The following FAM9B variants were observed in gnomAD, a reference collection of about 807,000 sequenced individuals.
FAM9B encodes the protein protein FAM9B.
A neutral mutation model predicts 16.6 loss-of-function variants in FAM9B; 18 were observed. The ratio of observed to expected loss-of-function variants is 1.09; its 90% confidence interval spans 0.75 to 1.61. The LOEUF (loss-of-function observed/expected upper bound fraction) is 1.61. FAM9B is among the 40% of genes most tolerant of loss of function. The pLI, the probability that FAM9B is intolerant of heterozygous loss-of-function variation, is 0.00. For missense variants in FAM9B, 155 were observed against 136.0 expected (o/e 1.14, Z -0.70); for synonymous variants, 43 against 42.6 (o/e 1.01, Z -0.03).
At chrX:9,032,586 T>C in intron 2 of FAM9B, 125 bp from the exon 3 acceptor site, 1 of 952,133 alleles carries the variant, frequency 1.1e-6, no homozygotes, top group Non-Finnish European at 1.4e-6. Flanking sequence ...ATTAAAGCTT[T>C]AAAGCAGAGC....
At chrX:9,030,136 A>G in intron 5 of FAM9B, 125 bp downstream of exon 5, 2 of 1,139,006 alleles carry the variant, frequency 1.8e-6, no homozygotes, top group Non-Finnish European at 1.2e-6. Flanking sequence ...TTAGAGAACA[A>G]TCAAGTAAAA....
chrX:9,030,355 G>T lies in FAM9B; in HGVS notation c.187C>A (p.Leu63Ile), dbSNP rs749558057. 5.1e-6 allele frequency: 6 copies of T among 1,185,082 alleles called. No homozygotes were observed. The highest frequency in any genetic ancestry group is 6.8e-6 in the Non-Finnish European group (6 of 880,282). ...TKKPEDTAED[L>I]TAKRKRMKMD... ...TTCATCCTTTTTCTTTTTGCAGTAA[G>T]ATCCTCTTTAATGTCAGTTAGATAG... The change falls in exon 5 of 9, where the codon CTT becomes ATT. Residue 63 changes from leucine (L) to isoleucine (I), a missense_variant. By Grantham distance (5) the Leu-to-Ile change is conservative. Transcript: ENST00000327220.
At position 9,032,999 on chromosome X, in the gene FAM9B, C is replaced by G; in HGVS notation, c.-13G>C. The G allele has an allele frequency of 8.3e-7, 1 of 1,211,993 alleles. No homozygotes were observed. Among genetic ancestry groups the G allele is most frequent in the Non-Finnish European group, 1.1e-6 (1 of 895,555 alleles). On this transcript the variant is annotated 5_prime_UTR_variant, in exon 2 of 9. Transcript: ENST00000327220. Reference sequence around the variant, plus strand: ...CCCAGGCCGCCATAAATTGAGCCTCCAACTGGGCCTTGGCAGCCCTCCTGC... The same window carrying G: ...CCCAGGCCGCCATAAATTGAGCCTCGAACTGGGCCTTGGCAGCCCTCCTGC...
At chrX:9,030,031 T>G in intron 5 of FAM9B, 1 of 515,049 alleles carries the variant, frequency 1.9e-6, no homozygotes, top group Non-Finnish European at 3.0e-6. Context: ...GCTATTTTTA[T>G]CTGGAAGGCA....
At chrX:9,033,281 C>T (rs1921146603) in intron 1 of FAM9B, 1 of 1,080,672 alleles carries the variant, frequency 9.3e-7, no homozygotes, top group South Asian at 2.5e-5. Flanking sequence ...CTCACAGCTG[C>T]CCCTCACACC....
chrX:9,027,398 A>G (rs1277347525), intron 7 of FAM9B, among the ~76,000 whole-genome samples: 1 of 111,633 alleles, frequency 9.0e-6, no homozygotes, highest in Non-Finnish European at 1.9e-5. Flanking sequence ...GCCTTCCACC[A>G]TAGATTTGTC....
chrX:9,030,026 T>C (rs1921021981), intron 5 of FAM9B: 1 of 502,647 alleles, frequency 2.0e-6, no homozygotes, highest in African/African-American at 2.4e-5. Context: ...AGAAGGCTAT[T>C]TTTATCTGGA....
At chrX:9,030,448 G>C (rs1921036920) in intron 4 of FAM9B, 88 bp from the exon 5 acceptor site, 1 of 611,551 alleles carries the variant, frequency 1.6e-6, no homozygotes, top group Non-Finnish European at 2.4e-6. Flanking sequence ...ATCAATATGG[G>C]ACTTTATGGT....
rs1921000652 is a variant in FAM9B at position 9,029,205 on chromosome X, G to A, written c.393+102C>T. Reference sequence around the variant, plus strand: ...AGTCCACTAACGGGCCCCCCTCTCTGGGCTCATGCGCTCTTCCTTCTTTGC... The same window carrying A: ...AGTCCACTAACGGGCCCCCCTCTCTAGGCTCATGCGCTCTTCCTTCTTTGC... On this transcript the variant is annotated intron_variant, in intron 6 of 8. Transcript: ENST00000327220. 8 of 682,392 alleles carry A rather than the reference G, an allele frequency of 1.2e-5. No homozygotes were observed. The East Asian group carries it at 2.7e-4, about 23-fold the overall frequency. 56.2% of individuals were successfully genotyped at this position (682,392 alleles called of 1,213,427 possible). A position where few individuals can be genotyped will look rare whatever the true frequency, so the allele number is the denominator to read the frequency against.
rs957990648 is a variant in FAM9B at position 9,024,930 on chromosome X, C to T, written c.*479G>A. ...CTCCTGACCTCAAGTGATCCACTCC[C>T]CTCGGCCTCCCAAAGTGCTGGGATT... is the stretch of plus-strand genomic sequence containing the variant. On this transcript the variant is annotated 3_prime_UTR_variant, in exon 9 of 9. Transcript: ENST00000327220. 3 of 112,394 alleles carry T rather than the reference C, an allele frequency of 2.7e-5. No individual in the cohort carries two copies. Among genetic ancestry groups the T allele is most frequent in the Admixed American group, 9.5e-5 (1 of 10,576 alleles). The allele number at this position is 112,394 out of a possible 1,213,427, so 9.3% of individuals were successfully genotyped here.
Position 9,024,751 on chromosome X carries a change from G to C in FAM9B, c.*658C>G, listed in dbSNP as rs1207870684. On this transcript the variant is annotated 3_prime_UTR_variant, in exon 9 of 9. Coordinates refer to ENST00000327220, the MANE Select transcript of FAM9B (RefSeq NM_205849.3). ...GGCTGGAGTGCAGTGGCACAATCTT[G>C]GCTTACTGCAACCTCCAACTCCCGG... The C allele has an allele frequency of 8.9e-6, 1 of 112,157 alleles. No individual in the cohort carries two copies. Among genetic ancestry groups the C allele is most frequent in the Non-Finnish European group, 1.9e-5 (1 of 53,282 alleles). The allele number at this position is 112,157 out of a possible 1,213,427, so 9.2% of individuals were successfully genotyped here. A position where few individuals can be genotyped will look rare whatever the true frequency, so the allele number is the denominator to read the frequency against.
intron 1 of FAM9B, 147 bp downstream of exon 1, chrX:9,033,705 A>AAACCCC: frequency 6.5e-4 from 21 of 32,511 alleles, no homozygotes; most frequent in East Asian, 4.4e-3. Flanking sequence ...ACCCTAGCCC[A>AAACCCC]CCCTCAGGGC....
chrX:9,032,351 C>A lies in FAM9B; in HGVS notation c.139G>T (p.Glu47Ter), dbSNP rs773009993. The A allele has an allele frequency of 8.3e-7, 1 of 1,211,531 alleles. No individual in the cohort carries two copies. Among genetic ancestry groups the A allele is most frequent in the East Asian group, 3.0e-5 (1 of 33,822 alleles). The part of the protein sequence containing the change: ...GEREPFAETD[E>*]HTGANTKKPE... ...ACTTAAACACTTTACCCCGTGTGTTCATCTGTTTCAGCAAAAGGTTCTCTT... is the reference window on the plus strand; with the variant it reads ...ACTTAAACACTTTACCCCGTGTGTTAATCTGTTTCAGCAAAAGGTTCTCTT... Residue 47 changes from glutamate to a stop codon, truncating the protein, a stop_gained, in exon 3 of 9, where the codon GAA (glutamate) becomes TAA (stop). Transcript: ENST00000327220. LOFTEE classifies it high-confidence loss of function.
intron 2 of FAM9B, 44 bp downstream of exon 2, chrX:9,032,915 C>G: frequency 8.3e-7 from 1 of 1,204,056 alleles, no homozygotes; most frequent in Middle Eastern, 2.3e-4. Context: ...AGACCGTCCT[C>G]TTGGGCGTGC....
chrX:9,028,185 C>T (rs1920985828), intron 6 of FAM9B, among the ~76,000 whole-genome samples: 1 of 111,861 alleles, frequency 8.9e-6, no homozygotes, highest in African/African-American at 3.2e-5. Context: ...AAAGAATTTT[C>T]TTACTTTTAC....
intron 4 of FAM9B, 200 bp from the exon 5 acceptor site, chrX:9,030,560 T>G: frequency 9.8e-6 from 3 of 306,067 alleles, no homozygotes; most frequent in Non-Finnish European, 1.7e-5. Flanking sequence ...GGTATTAACA[T>G]TCGCATTTCA....
chrX:9,033,994 C>A lies in FAM9B; in HGVS notation c.-232G>T. The stretch of plus-strand genomic sequence containing the variant: ...GGCGGAGGTTGCAGTGAGCCCAGAT[C>A]ACACCACTGCACTGCAGCCTAGGCA... On this transcript the variant is annotated 5_prime_UTR_variant, in exon 1 of 9. Coordinates refer to ENST00000327220, the MANE Select transcript of FAM9B (RefSeq NM_205849.3). 5 of 503,006 alleles carry A rather than the reference C, an allele frequency of 9.9e-6. No individual in the cohort carries two copies. Among genetic ancestry groups the A allele is most frequent in the Non-Finnish European group, 1.2e-5 (5 of 409,664 alleles). The allele number at this position is 503,006 out of a possible 1,213,427, so 41.5% of individuals were successfully genotyped here.
At chrX:9,025,634 T>C (rs1480478201) in intron 7 of FAM9B, 51 bp from the exon 8 acceptor site, 1 of 952,203 alleles carries the variant, frequency 1.1e-6, no homozygotes, top group East Asian at 3.1e-5. Context: ...ATATCTCGCA[T>C]TTTAAACAGG....
chrX:9,031,184 A>G (rs1290755015), intron 4 of FAM9B: 1 of 112,127 alleles, frequency 8.9e-6, no homozygotes, highest in African/African-American at 3.2e-5. Flanking sequence ...GCACTTTGTC[A>G]CCAAGCTTTC....
Sources: allele counts gnomAD v4.1 joint callset (sites outside exome capture counted in the v4.1 genomes callset), GRCh38; gene constraint gnomAD v4.1.1; transcripts MANE v1.5; gene names NCBI Gene and HGNC (gene_info 2026-07-23, HGNC 2026-07-21).